Variants in ZNF704 observed in about 807,000 individuals in gnomAD.
ZNF704 encodes glucocorticoid induced gene 1.
ZNF704 carries 10 observed loss-of-function variants against 44.7 expected under a neutral mutation model. The ratio of observed to expected loss-of-function variants is 0.22; its 90% CI spans 0.14 to 0.38. ZNF704 has a LOEUF of 0.38. ZNF704 is among the 10% of genes least tolerant of loss of function. ZNF704 has a pLI of 1.00. For missense variants in ZNF704, 390 were observed against 545.5 expected, an observed-to-expected ratio of 0.71 and a Z score of 2.84; for synonymous variants, 211 against 207.6, an observed-to-expected ratio of 1.02 and a Z score of -0.14.
intron 2 of ZNF704, among the ~76,000 whole-genome samples, chr8:80,782,936 T>C (rs186798649): frequency 4.5e-4 from 68 of 152,286 alleles, no homozygotes; most frequent in Admixed American, 3.1e-3. Context: ...ACTGCACTTA[T>C]TGAAAAAAAT....
intron 1 of ZNF704, among the ~76,000 whole-genome samples, chr8:80,850,808 T>TC (rs1159520388): frequency 1.3e-5 from 2 of 152,168 alleles, no homozygotes; most frequent in African/African-American, 2.4e-5. Context: ...TGTGTTTGTT[T>TC]CCCTTGCTTG....
intron 2 of ZNF704, among the ~76,000 whole-genome samples, chr8:80,739,807 C>T (rs2131691247): frequency 6.6e-6 from 1 of 152,196 alleles, no homozygotes; most frequent in East Asian, 1.9e-4. Context: ...AAAGATTGTC[C>T]AAATAGAAAT....
intron 7 of ZNF704, among the ~76,000 whole-genome samples, chr8:80,651,333 A>G: frequency 6.6e-6 from 1 of 152,248 alleles, no homozygotes; most frequent in East Asian, 1.9e-4. Flanking sequence ...CCTCAAATGT[A>G]AATGGGCTAA....
At position 80,631,063 on chromosome 8, in the gene ZNF704, T is replaced by C. The variant is rs1045795197; in HGVS notation, c.*10303A>G. The C allele has an allele frequency of 4.6e-5, 7 of 152,178 alleles. No homozygotes were observed. The highest frequency in any genetic ancestry group is 1.7e-4 in the African/African-American group (7 of 41,448). 9.4% of individuals were successfully genotyped at this position (152,178 alleles called of 1,614,324 possible). A position where few individuals can be genotyped will look rare whatever the true frequency, so the allele number is the denominator to read the frequency against. ...GAGGTTCCCCGAACAGTCAGGAGAC[T>C]GTGAAAGGAGGGGCTTTGCTATCAT... On this transcript the variant is annotated 3_prime_UTR_variant, in exon 9 of 9. Coordinates refer to ENST00000327835, the MANE Select transcript of ZNF704 (RefSeq NM_001033723.3).
At chr8:80,672,808 G>A (rs1360042068) in intron 4 of ZNF704, among the ~76,000 whole-genome samples, 1 of 152,000 alleles carries the variant, frequency 6.6e-6, no homozygotes, top group Non-Finnish European at 1.5e-5. Context: ...TATCTATTGG[G>A]TACTATGTTC....
chr8:80,809,669 G>A (rs1300058829), intron 2 of ZNF704, among the ~76,000 whole-genome samples: 2 of 152,134 alleles, frequency 1.3e-5, no homozygotes, highest in African/African-American at 4.8e-5. Flanking sequence ...AACAAAATAC[G>A]ATAAAATAGC....
At chr8:80,744,755 C>A (rs1203419960) in intron 2 of ZNF704, among the ~76,000 whole-genome samples, 1 of 151,964 alleles carries the variant, frequency 6.6e-6, no homozygotes, top group African/African-American at 2.4e-5. Context: ...ATTGGGGAGG[C>A]CAGAAGTAAT....
chr8:80,860,404 T>C (rs1809039760), intron 1 of ZNF704, among the ~76,000 whole-genome samples: 1 of 152,236 alleles, frequency 6.6e-6, no homozygotes, highest in Admixed American at 6.5e-5. Context: ...AGCTTTTAGA[T>C]ATGTCTGAGC....
intron 2 of ZNF704, among the ~76,000 whole-genome samples, chr8:80,783,031 A>G (rs1007069220): frequency 6.6e-5 from 10 of 152,188 alleles, no homozygotes; most frequent in African/African-American, 2.4e-4. Context: ...CATGGTTTGA[A>G]AGTTAAACTA....
At chr8:80,841,054 C>T (rs1808669430) in intron 1 of ZNF704, among the ~76,000 whole-genome samples, 3 of 152,186 alleles carry the variant, frequency 2.0e-5, no homozygotes, top group South Asian at 2.1e-4. Flanking sequence ...CCAACCACAT[C>T]ACAAGTCTGA....
chr8:80,814,036 T>C (rs1310790995), intron 2 of ZNF704: 2 of 152,210 alleles, frequency 1.3e-5, no homozygotes, highest in African/African-American at 4.8e-5. Context: ...TATGTGCATT[T>C]AGATTACAGA....
chr8:80,694,279 C>T (rs1393286323), intron 2 of ZNF704: 1 of 152,156 alleles, frequency 6.6e-6, no homozygotes, highest in Non-Finnish European at 1.5e-5. Flanking sequence ...GAAGAGGTTG[C>T]TCTGGTTCAT....
At chr8:80,842,215 T>G (rs2129968524) in intron 1 of ZNF704, among the ~76,000 whole-genome samples, 1 of 152,272 alleles carries the variant, frequency 6.6e-6, no homozygotes, top group Middle Eastern at 3.4e-3. Flanking sequence ...GCCCTGCCCC[T>G]TACTAGGTTG....
At chr8:80,712,867 G>T (rs541619544) in intron 2 of ZNF704, among the ~76,000 whole-genome samples, 1 of 140,636 alleles carries the variant, frequency 7.1e-6, no homozygotes, top group African/African-American at 3.2e-5. Context: ...GGTTGAAGTA[G>T]GGGTTTTTTT....
intron 2 of ZNF704, among the ~76,000 whole-genome samples, chr8:80,771,130 T>C (rs1218209422): frequency 1.3e-5 from 2 of 152,172 alleles, no homozygotes; most frequent in African/African-American, 2.4e-5. Context: ...GCTATATAAG[T>C]CTTGAAATTT....
chr8:80,787,896 T>C (rs2129734567), intron 2 of ZNF704, among the ~76,000 whole-genome samples: 1 of 152,316 alleles, frequency 6.6e-6, no homozygotes, highest in South Asian at 2.1e-4. Flanking sequence ...CTGCAATAAT[T>C]TTCCATCTAA....
intron 1 of ZNF704, among the ~76,000 whole-genome samples, chr8:80,852,543 T>C (rs1322357806): frequency 6.6e-6 from 1 of 152,192 alleles, no homozygotes; most frequent in African/African-American, 2.4e-5. Flanking sequence ...CACAGAGTAA[T>C]ATGTCCTCAG....
chr8:80,638,589 TA>T lies in ZNF704; in HGVS notation c.*2776del, dbSNP rs942186144. 586 of 144,990 alleles carry T rather than the reference TA, an allele frequency of 4.0e-3. 3 individuals are homozygous for T. Among genetic ancestry groups the T allele is most frequent in the African/African-American group, 0.011 (456 of 39,824 alleles). 9.0% of individuals were successfully genotyped at this position (144,990 alleles called of 1,614,324 possible). ...AAATATAACAAAATAATGCTACGTT[TA>T]AAAAAAAAAAACCCTAACTTGCACG... On this transcript the variant is annotated 3_prime_UTR_variant, in exon 9 of 9. Transcript: ENST00000327835.
chr8:80,876,123 C>T (rs1809353594), upstream of ZNF704, among the ~76,000 whole-genome samples: 1 of 152,154 alleles, frequency 6.6e-6, no homozygotes, highest in African/African-American at 2.4e-5. Context: ...TTCTACACAC[C>T]CATTTTCTCA....
Sources: gnomAD v4.1 joint callset for allele counts (sites outside exome capture counted in the v4.1 genomes callset) on GRCh38, gnomAD v4.1.1 for gene constraint, MANE v1.5 for transcripts, NCBI Gene and HGNC (gene_info 2026-07-23, HGNC 2026-07-21) for gene names.